The following SLC34A1 variants were observed in gnomAD, a reference collection of about 807,000 sequenced individuals.
SLC34A1 encodes sodium-dependent phosphate transport protein 2A.
A neutral mutation model predicts 51.4 loss-of-function variants in SLC34A1; 57 were observed. That is an observed-to-expected ratio of 1.11 (90% CI 0.90 to 1.38). The LOEUF is 1.38. Among genes scored for constraint, SLC34A1 ranks in the 40% most tolerant of loss-of-function variants. The pLI, the probability that SLC34A1 is intolerant of heterozygous loss-of-function variation, is 0.00. For synonymous variants in SLC34A1, 368 were observed against 358.0 expected (o/e 1.03, Z -0.32); for missense variants, 796 against 835.6 (o/e 0.95, Z 0.58).
At chr5:177,391,164 A>C (rs982828948) in intron 8 of SLC34A1, among the ~76,000 whole-genome samples, 1 of 152,078 alleles carries the variant, frequency 6.6e-6, no homozygotes, top group Non-Finnish European at 1.5e-5. Context: ...TGGGCCTCCC[A>C]GCTCTTTTAT....
rs144700897 is a variant in SLC34A1, at chr5:177,398,074, C to T, written c.1708C>T (p.Pro570Ser). 7.4e-6 allele frequency: 12 copies of T among 1,613,572 alleles called. No homozygotes were observed. Among genetic ancestry groups the T allele is most frequent in the Non-Finnish European group, 1.0e-5 (12 of 1,179,704 alleles). Residue 570 changes from proline (P) to serine (S), a missense_variant, in exon 13 of 13, where the codon CCC becomes TCC. By Grantham distance (74) the Pro-to-Ser change is moderately conservative. Transcript: ENST00000324417. This position sits in a 1 kb window ranked among gnomAD's most constrained non-coding sequence, Gnocchi z 4.7. ...GCAGAGTCGGAGTCCCGGGCACCTG[C>T]CCAAGTGGTTACAGACATGGGACTT... is the stretch of plus-strand genomic sequence containing the variant. ...VLQSRSPGHL[P>S]KWLQTWDFLP...
At chr5:177,387,691 C>T in intron 5 of SLC34A1, 71 bp from the exon 6 acceptor site, 2 of 1,290,532 alleles carry the variant, frequency 1.5e-6, no homozygotes, top group Non-Finnish European at 2.3e-6. Context: ...GGTGGGGGGC[C>T]TGACAGGAGT....
In SLC34A1 at chr5:177,393,694, G is replaced by T. The variant is rs1478837498; in HGVS notation, c.937G>T (p.Ala313Ser). ...QIWCHPDSLQAPTSMSRAEAN... is the reference protein window; with the variant it reads ...QIWCHPDSLQSPTSMSRAEAN... Reference sequence around the variant, plus strand: ...CTAAGTCACCCTCCTCCTGATCTAGGCTCCCACCTCCATGTCCAGAGCAGA... The same window carrying T: ...CTAAGTCACCCTCCTCCTGATCTAGTCTCCCACCTCCATGTCCAGAGCAGA... Residue 313 changes from alanine (A) to serine (S), a missense_variant and splice_region_variant, in exon 9 of 13, where the codon GCT becomes TCT. Ala to Ser is a moderately conservative substitution (Grantham distance 99, BLOSUM62 1). Transcript: ENST00000324417. 1 of 1,614,076 alleles carries T rather than the reference G, an allele frequency of 6.2e-7. No individual in the cohort carries two copies. The highest frequency in any genetic ancestry group is 1.1e-5 in the South Asian group (1 of 91,072).
At chr5:177,397,427 G>C in intron 12 of SLC34A1, 2 of 492,928 alleles carry the variant, frequency 4.1e-6, no homozygotes, top group East Asian at 7.8e-5. Context: ...TAGGAGCAAA[G>C]GAGTAACTGA....
rs557065744 is a variant in SLC34A1, at chr5:177,396,585, C to T, written c.1175-148C>T. 70 of 550,090 alleles carry T rather than the reference C, an allele frequency of 1.3e-4. 5 individuals are homozygous for T. The highest frequency in any genetic ancestry group is 8.8e-4 in the African/African-American group (45 of 51,198). 34.1% of individuals were successfully genotyped at this position (550,090 alleles called of 1,614,324 possible). ...CGGAGGTCCTCTCTCCCAGTGCCCC[C>T]GCGGAGGTCCTCTCTCCCAGTGCCC... On this transcript the variant is annotated intron_variant, in intron 10 of 12. Coordinates refer to ENST00000324417, the MANE Select transcript of SLC34A1 (RefSeq NM_003052.5). The surrounding 1 kb of genome is among the most constrained non-coding windows in gnomAD (Gnocchi z 4.0).
At chr5:177,390,150 T>C in intron 8 of SLC34A1, 1 of 1,018,648 alleles carries the variant, frequency 9.8e-7, no homozygotes, top group East Asian at 9.5e-5. Flanking sequence ...ACGCCAACTT[T>C]CACCATGCTG....
intron 8 of SLC34A1, 65 bp from the exon 9 acceptor site, chr5:177,393,629 C>T: frequency 6.6e-7 from 1 of 1,511,686 alleles, no homozygotes; most frequent in Non-Finnish European, 9.2e-7. Context: ...TCCCTAACTC[C>T]CATCTCAGCC....
chr5:177,397,789 C>T lies in SLC34A1; in HGVS notation c.1423C>T (p.Leu475Phe). ...TCTGCCTCATCCCCTGCAGATTGCC[C>T]TCTGTCACTTCTTCTTCAACATCTC... is the stretch of plus-strand genomic sequence containing the variant. ...EKLSSAFQIA[L>F]CHFFFNISGI... Residue 475 changes from leucine (L) to phenylalanine (F), a missense_variant, in exon 13 of 13, where the codon CTC (leucine) becomes TTC (phenylalanine). Leu to Phe is a conservative substitution (Grantham distance 22, BLOSUM62 0). Coordinates refer to ENST00000324417, the MANE Select transcript of SLC34A1 (RefSeq NM_003052.5). 1 of 1,609,586 alleles carries T rather than the reference C, an allele frequency of 6.2e-7. No homozygotes were observed. Among genetic ancestry groups the T allele is most frequent in the South Asian group, 1.1e-5 (1 of 91,066 alleles).
intron 10 of SLC34A1, among the ~76,000 whole-genome samples, chr5:177,394,794 A>G (rs573191617): frequency 8.0e-5 from 12 of 150,252 alleles, no homozygotes; most frequent in African/African-American, 3.0e-4. Flanking sequence ...CCAGGGTTCA[A>G]GTGATTCTCC....
In SLC34A1 at chr5:177,398,122, C is replaced by T. The variant is rs1188682314; in HGVS notation, c.1756C>T (p.Leu586=). 5 of 1,611,374 alleles carry T rather than the reference C, an allele frequency of 3.1e-6. No homozygotes were observed. In the South Asian group the frequency reaches 5.5e-5, roughly 18 times the overall value. The stretch of plus-strand genomic sequence containing the variant: ...CTTCCTGCCTCGCTGGATGCACTCC[C>T]TGAAGCCCCTGGACCACCTCATCAC... ...WDFLPRWMHS[L]KPLDHLITRA... Residue 586 remains leucine (L), a synonymous_variant, in exon 13 of 13, where the codon CTG becomes TTG. Coordinates refer to ENST00000324417, the MANE Select transcript of SLC34A1 (RefSeq NM_003052.5). This position sits in a 1 kb window ranked among gnomAD's most constrained non-coding sequence, Gnocchi z 4.7.
intron 8 of SLC34A1, among the ~76,000 whole-genome samples, chr5:177,392,464 AAAATAAATAAAT>A (rs10625002): frequency 6.6e-6 from 1 of 151,138 alleles, no homozygotes; most frequent in African/African-American, 2.4e-5. Flanking sequence ...ACTCTGTCTC[AAAATAAATAAAT>A]AAATAAATAA....
At chr5:177,385,172 T>C (rs1199496398) in intron 1 of SLC34A1, among the ~76,000 whole-genome samples, 3 of 151,992 alleles carry the variant, frequency 2.0e-5, no homozygotes, top group Admixed American at 6.5e-5. Flanking sequence ...AGAAGGCAGG[T>C]GTCTGCAGCT....
rs1763019903 is a variant in SLC34A1, at chr5:177,397,812, C to A, written c.1446C>A (p.Ile482=). The change falls in exon 13 of 13, where the codon ATC becomes ATA. Residue 482 remains isoleucine (I), a synonymous_variant. Transcript: ENST00000324417. ...QIALCHFFFN[I]SGILLWYPVP... ...CCCTCTGTCACTTCTTCTTCAACAT[C>A]TCGGGTATCCTTCTGTGGTACCCGG... 6.2e-7 allele frequency: 1 copy of A among 1,612,336 alleles called. No homozygotes were observed. Among genetic ancestry groups the A allele is most frequent in the Non-Finnish European group, 8.5e-7 (1 of 1,180,022 alleles).
chr5:177,392,975 C>A (rs1295859198), intron 8 of SLC34A1, among the ~76,000 whole-genome samples: 1 of 152,120 alleles, frequency 6.6e-6, no homozygotes, highest in Non-Finnish European at 1.5e-5. Context: ...AGAAATTGGG[C>A]AATTTAGCCA....
chr5:177,388,721 G>C lies in SLC34A1; in HGVS notation c.936+349G>C, dbSNP rs748435354. 6.6e-6 allele frequency among the ~76,000 whole-genome samples: 1 copy of C among 152,156 alleles called. No homozygotes were observed. Among genetic ancestry groups the C allele is most frequent in the Non-Finnish European group, 1.5e-5 (1 of 68,044 alleles). ...ACTGAATCTGGAAACCCCTGGGAGC[G>C]GGGCCAATGGCCTATGCTTCAGCAG... On this transcript the variant is annotated intron_variant, in intron 8 of 12. Transcript: ENST00000324417. The surrounding 1 kb of genome is among the most constrained non-coding windows in gnomAD (Gnocchi z 4.3).
Position 177,388,357 on chromosome 5 carries a change from C to T in SLC34A1, c.921C>T (p.His307=). The T allele has an allele frequency of 1.2e-6, 2 of 1,613,962 alleles. No homozygotes were observed. Among genetic ancestry groups the T allele is most frequent in the Non-Finnish European group, 1.7e-6 (2 of 1,179,856 alleles). Residue 307 remains histidine (H), a synonymous_variant, in exon 8 of 13, where the codon CAC becomes CAT. Transcript: ENST00000324417. The surrounding 1 kb of genome is among the most constrained non-coding windows in gnomAD (Gnocchi z 4.3). ...RNHSLIQIWC[H]PDSLQAPTSM... ...ACAGTCTCATCCAGATCTGGTGCCACCCAGACTCCTTACAGGTGAGTCCCA... is the reference window on the plus strand; with the variant it reads ...ACAGTCTCATCCAGATCTGGTGCCATCCAGACTCCTTACAGGTGAGTCCCA...
chr5:177,395,224 T>G (rs554827199), intron 10 of SLC34A1, among the ~76,000 whole-genome samples: 110 of 151,240 alleles, frequency 7.3e-4, no homozygotes, highest in African/African-American at 2.5e-3. Flanking sequence ...GGAAAATGAA[T>G]TAGGGGGATA....
intron 8 of SLC34A1, chr5:177,389,707 T>C (rs1251582626): frequency 1.1e-5 from 17 of 1,537,152 alleles, no homozygotes; most frequent in Non-Finnish European, 1.5e-5. Flanking sequence ...AAGACAGCTC[T>C]GTTCCTCACT....
chr5:177,397,495 T>C, intron 12 of SLC34A1: 1 of 550,698 alleles, frequency 1.8e-6, no homozygotes, highest in Non-Finnish European at 3.3e-6. Context: ...CTTTAGCTGC[T>C]GGATTTTGGC....
Sources: gnomAD v4.1 joint callset for allele counts (sites outside exome capture counted in the v4.1 genomes callset) on GRCh38, gnomAD v4.1.1 for gene constraint, Gnocchi (gnomAD v3.1) non-coding constraint, MANE v1.5 for transcripts, NCBI Gene and HGNC (gene_info 2026-07-23, HGNC 2026-07-21) for gene names.